WDR64: variants seen among roughly 807,000 people sequenced by gnomAD.
The protein encoded by WDR64 is WD repeat-containing protein 64.
In WDR64, 112 loss-of-function variants were observed where a neutral mutation model predicts 139.3. That is an observed-to-expected ratio of 0.80 (90% confidence interval 0.69 to 0.94). The LOEUF (loss-of-function observed/expected upper bound fraction) is 0.94, where lower values mean the gene tolerates loss of function less well. Among genes scored for constraint, WDR64 ranks in the 40% least tolerant of loss-of-function variants. The pLI is 0.00. For synonymous variants in WDR64, 444 were observed against 437.7 expected (o/e 1.01, Z -0.18); for missense variants, 1,206 against 1,293.1 (o/e 0.93, Z 1.03).
chr1:241,710,158 G>C (rs1668103661), intron 8 of WDR64, among the ~76,000 whole-genome samples: 1 of 151,970 alleles, frequency 6.6e-6, no homozygotes, highest in Non-Finnish European at 1.5e-5. Context: ...AGTTCTGCAA[G>C]TGCCTCCTCC....
Position 241,721,177 on chromosome 1 carries a change from A to G in WDR64, c.1055-2120A>G, listed in dbSNP as rs535824288. 5.9e-5 allele frequency among the ~76,000 whole-genome samples: 9 copies of G among 152,286 alleles called. No homozygotes were observed. The South Asian group carries it at 1.9e-3, about 32-fold the overall frequency. On this transcript the variant is annotated intron_variant, in intron 9 of 27. Coordinates refer to ENST00000437684, the MANE Select transcript of WDR64 (RefSeq NM_001367482.1). ...ATGTGTCTCTTTTCGTACCAGTACC[A>G]TGCTGTTTTGGTCACAGGAGCTTTG... is the stretch of plus-strand genomic sequence containing the variant.
At chr1:241,762,917 A>G (rs1657987732) in intron 15 of WDR64, among the ~76,000 whole-genome samples, 1 of 152,198 alleles carries the variant, frequency 6.6e-6, no homozygotes, top group Admixed American at 6.5e-5. Context: ...AATGTCATTC[A>G]TTGCTAGTTT....
intron 27 of WDR64, 122 bp downstream of exon 27, chr1:241,796,492 CTTT>C (rs5782206): frequency 1.4e-3 from 702 of 500,062 alleles, no homozygotes; most frequent in South Asian, 1.9e-3. Flanking sequence ...TCAGTTCATA[CTTT>C]TTTTTTTTTT....
At chr1:241,767,997 C>T (rs556234436) in intron 16 of WDR64, among the ~76,000 whole-genome samples, 17 of 152,240 alleles carry the variant, frequency 1.1e-4, no homozygotes, top group East Asian at 1.9e-4. Context: ...AATGCTTTCA[C>T]GCTGTGTCAG....
At chr1:241,716,711 A>T (rs1184010238) in intron 9 of WDR64, among the ~76,000 whole-genome samples, 8 of 152,128 alleles carry the variant, frequency 5.3e-5, no homozygotes, top group African/African-American at 1.9e-4. Context: ...GAAATAGTAT[A>T]GGCTTTGAGA....
intron 22 of WDR64, among the ~76,000 whole-genome samples, chr1:241,782,800 C>A (rs188284834): frequency 6.6e-6 from 1 of 152,138 alleles, no homozygotes; most frequent in Admixed American, 6.5e-5. Flanking sequence ...CATACTCCCC[C>A]CAAAAGAACA....
chr1:241,718,408 A>G (rs959549710), intron 9 of WDR64, among the ~76,000 whole-genome samples: 1 of 152,186 alleles, frequency 6.6e-6, no homozygotes, highest in African/African-American at 2.4e-5. Flanking sequence ...GTCTTCTGAA[A>G]AAGTAGACCT....
intron 9 of WDR64, among the ~76,000 whole-genome samples, chr1:241,720,530 T>G (rs1386830907): frequency 6.6e-6 from 1 of 152,204 alleles, no homozygotes; most frequent in Non-Finnish European, 1.5e-5. Context: ...ATTGTGGTTT[T>G]GATTTGCATT....
chr1:241,661,959 G>T (rs1449784638), intron 2 of WDR64, among the ~76,000 whole-genome samples: 1 of 152,118 alleles, frequency 6.6e-6, no homozygotes, highest in African/African-American at 2.4e-5. Flanking sequence ...GAGGCTGAAT[G>T]GCCTGCAGGC....
chr1:241,710,445 C>T (rs567745540), intron 8 of WDR64, among the ~76,000 whole-genome samples: 5 of 134,410 alleles, frequency 3.7e-5, no homozygotes, highest in East Asian at 2.3e-4. Context: ...TACTAACACC[C>T]GAAACATACA....
chr1:241,714,507 C>A (rs61825804), intron 9 of WDR64, among the ~76,000 whole-genome samples: 25,880 of 152,036 alleles, frequency 0.17, 2,415 homozygotes, highest in African/African-American at 0.2. Flanking sequence ...CCTGCCTAAT[C>A]CCTGAAGTGC....
intron 2 of WDR64, among the ~76,000 whole-genome samples, chr1:241,668,207 A>G (rs1286530580): frequency 1.3e-5 from 2 of 152,206 alleles, no homozygotes; most frequent in Admixed American, 6.5e-5. Flanking sequence ...TTCTGGGGAA[A>G]GTAAAAGAAG....
At chr1:241,674,778 A>G in intron 4 of WDR64, 31 bp downstream of exon 4, 2 of 1,324,844 alleles carry the variant, frequency 1.5e-6, no homozygotes, top group South Asian at 2.6e-5. Context: ...TAACTGAATG[A>G]CTCATTTTAC....
At chr1:241,701,003 T>C (rs538570497) in intron 8 of WDR64, among the ~76,000 whole-genome samples, 1 of 152,310 alleles carries the variant, frequency 6.6e-6, no homozygotes, top group East Asian at 1.9e-4. Context: ...GATGCCAACA[T>C]TCCCTTTGTT....
chr1:241,767,816 AC>A (rs551000959), intron 16 of WDR64, among the ~76,000 whole-genome samples: 1 of 151,500 alleles, frequency 6.6e-6, no homozygotes, highest in Non-Finnish European at 1.5e-5. Context: ...GTTTCTGCAG[AC>A]CCCCCTTTCT....
At chr1:241,659,765 T>C (rs1162725474) in intron 1 of WDR64, among the ~76,000 whole-genome samples, 9 of 152,186 alleles carry the variant, frequency 5.9e-5, no homozygotes, top group Admixed American at 4.6e-4. Flanking sequence ...GTTCATTTTT[T>C]TCTTGTAAAT....
chr1:241,773,941 A>C (rs1341376823), intron 20 of WDR64, among the ~76,000 whole-genome samples: 1 of 152,240 alleles, frequency 6.6e-6, no homozygotes, highest in East Asian at 1.9e-4. Context: ...GTATACAATA[A>C]ATTGTTAGTT....
intron 1 of WDR64, among the ~76,000 whole-genome samples, chr1:241,653,963 T>G (rs944606865): frequency 2.0e-5 from 3 of 152,222 alleles, no homozygotes; most frequent in Non-Finnish European, 2.9e-5. Flanking sequence ...CATTTTTTCC[T>G]AGTCAGTTTG....
At chr1:241,667,853 ATTG>A (rs929821509) in intron 2 of WDR64, among the ~76,000 whole-genome samples, 8 of 152,226 alleles carry the variant, frequency 5.3e-5, no homozygotes, top group Non-Finnish European at 8.8e-5. Flanking sequence ...AGTGGAAACC[ATTG>A]TTGTTTTAAA....
Sources: gnomAD v4.1 joint callset for allele counts (sites outside exome capture counted in the v4.1 genomes callset) on GRCh38, gnomAD v4.1.1 for gene constraint, MANE v1.5 for transcripts, NCBI Gene and HGNC (gene_info 2026-07-23, HGNC 2026-07-21) for gene names.